QNG1: variants seen among roughly 807,000 people sequenced by gnomAD.
The protein encoded by QNG1 is queuosine 5'-phosphate N-glycosylase/hydrolase.
chr9:83,942,307 A>G, the QNG1 span, among the ~76,000 whole-genome samples: 2 of 152,348 alleles, frequency 1.3e-5, no homozygotes, highest in East Asian at 1.9e-4. Flanking sequence ...AATATGGCCC[A>G]GGTATTTGGT....
the QNG1 span, among the ~76,000 whole-genome samples, chr9:83,954,835 G>T: frequency 2.6e-5 from 3 of 114,130 alleles, no homozygotes; most frequent in Non-Finnish European, 5.2e-5. Context: ...AGCCAAGATC[G>T]CGCCACTGCA....
chr9:83,953,449 G>A, the QNG1 span, among the ~76,000 whole-genome samples: 1,015 of 146,268 alleles, frequency 6.9e-3, 15 homozygotes, highest in African/African-American at 0.025. Flanking sequence ...CTGGGTTCAA[G>A]TGGTTCTCCT....
the QNG1 span, among the ~76,000 whole-genome samples, chr9:83,951,287 A>G: frequency 6.6e-6 from 1 of 151,802 alleles, no homozygotes; most frequent in Admixed American, 6.6e-5. Context: ...AAAGGCTGGC[A>G]TGGTGGCTCA....
chr9:83,939,503 A>T, the QNG1 span: 1 of 1,588,004 alleles, frequency 6.3e-7, no homozygotes, highest in African/African-American at 1.3e-5. Flanking sequence ...ATCAGTTTAC[A>T]CTTGAGGTCA....
chr9:83,956,519 G>A, the QNG1 span: 1 of 1,515,616 alleles, frequency 6.6e-7, no homozygotes, highest in East Asian at 2.3e-5. Flanking sequence ...TTGGGACCCG[G>A]CGGGCCAAAC....
At chr9:83,943,546 T>C in the QNG1 span, among the ~76,000 whole-genome samples, 215 of 152,086 alleles carry the variant, frequency 1.4e-3, 1 homozygote, top group African/African-American at 5.0e-3. Context: ...TGACAAAAAA[T>C]AGCATGTTCT....
At chr9:83,941,913 A>C in the QNG1 span, among the ~76,000 whole-genome samples, 1 of 152,102 alleles carries the variant, frequency 6.6e-6, no homozygotes, top group African/African-American at 2.4e-5. Flanking sequence ...TCTCAAAAAA[A>C]AAAAAGAAGA....
At chr9:83,946,904 A>AT in the QNG1 span, among the ~76,000 whole-genome samples, 97 of 144,958 alleles carry the variant, frequency 6.7e-4, no homozygotes, top group South Asian at 8.8e-4. Context: ...TGGCCTACAA[A>AT]TTTTTTTTTT....
the QNG1 span, among the ~76,000 whole-genome samples, chr9:83,947,529 G>C: frequency 4.6e-5 from 7 of 152,062 alleles, no homozygotes; most frequent in African/African-American, 1.4e-4. Context: ...CCTCTCCCTC[G>C]TCTCCCACTT....
At chr9:83,945,627 A>T in the QNG1 span, among the ~76,000 whole-genome samples, 1 of 151,800 alleles carries the variant, frequency 6.6e-6, no homozygotes, top group Non-Finnish European at 1.5e-5. Context: ...TTTGAGACGG[A>T]GTCTTGCTCT....
At chr9:83,955,294 T>G in the QNG1 span, 12 of 1,421,946 alleles carry the variant, frequency 8.4e-6, no homozygotes, top group African/African-American at 1.5e-5. Flanking sequence ...AAAATTTAAG[T>G]TTTTATTCTT....
At chr9:83,939,450 C>T in the QNG1 span, 1 of 1,116,926 alleles carries the variant, frequency 9.0e-7, no homozygotes, top group South Asian at 1.3e-5. Flanking sequence ...CAAAGCAAAA[C>T]TGTACAGATG....
chr9:83,956,163 C>T, the QNG1 span: 1 of 1,608,800 alleles, frequency 6.2e-7, no homozygotes, highest in Non-Finnish European at 8.5e-7. Flanking sequence ...ATGGCACCAA[C>T]CTTCGTCGAG....
chr9:83,944,847 G>A, the QNG1 span: 1 of 1,613,898 alleles, frequency 6.2e-7, no homozygotes, highest in South Asian at 1.1e-5. Context: ...TCCAAGATGA[G>A]CAAGAACCTG....
chr9:83,956,589 G>A, the QNG1 span: 2 of 1,125,080 alleles, frequency 1.8e-6, no homozygotes, highest in Non-Finnish European at 2.5e-6. Context: ...CGAACCGCGC[G>A]ATCACAGGGC....
At chr9:83,955,400 C>T in the QNG1 span, 1 of 1,614,070 alleles carries the variant, frequency 6.2e-7, no homozygotes, top group Non-Finnish European at 8.5e-7. Flanking sequence ...AGTCACATCT[C>T]TGTAAGAAGG....
chr9:83,950,726 A>T, the QNG1 span, among the ~76,000 whole-genome samples: 1 of 151,324 alleles, frequency 6.6e-6, no homozygotes, highest in South Asian at 2.1e-4. Context: ...CAGCCTCCTG[A>T]ATAGCTGGGA....
the QNG1 span, chr9:83,955,683 CCATATG>C: frequency 1.3e-6 from 2 of 1,577,010 alleles, no homozygotes; most frequent in South Asian, 2.2e-5. Context: ...TGTCATACTT[CCATATG>C]CATTAAACCC....
the QNG1 span, chr9:83,956,613 CG>C: frequency 2.3e-6 from 2 of 864,300 alleles, no homozygotes; most frequent in Admixed American, 6.2e-5. Context: ...AACAAGGTCC[CG>C]CCCTGCCAGG....
Sources: allele counts gnomAD v4.1 joint callset (sites outside exome capture counted in the v4.1 genomes callset), GRCh38; gene constraint gnomAD v4.1.1; transcripts MANE v1.5; gene names NCBI Gene and HGNC (gene_info 2026-07-23, HGNC 2026-07-21).